The following DMD variants were observed in gnomAD, a reference collection of about 807,000 sequenced individuals.
DMD encodes mutant dystrophin.
In DMD, 63 loss-of-function variants were observed where a neutral mutation model predicts 330.1. That is an observed-to-expected ratio of 0.19 (90% CI 0.16 to 0.24). The LOEUF is 0.24. DMD is among the 10% of genes least tolerant of loss of function. The pLI is 1.00. For synonymous variants in DMD, 1,223 were observed against 959.8 expected (o/e 1.27, Z -5.07); for missense variants, 3,344 against 2,684.1 (o/e 1.25, Z -5.43).
rs1186538311 is a variant in DMD at position 31,120,087 on chromosome X, C to T, written c.*1832G>A. 9.0e-6 allele frequency: 1 copy of T among 110,943 alleles called. No individual in the cohort carries two copies. Among genetic ancestry groups the T allele is most frequent in the African/African-American group, 3.3e-5 (1 of 30,466 alleles). The allele number at this position is 110,943 out of a possible 1,213,427, so 9.1% of individuals were successfully genotyped here. ...ATTACACTTGATGTCAGCCCACTCTCCAAAAGCTAATTACACTTGATGTCA... is the reference window on the plus strand; with the variant it reads ...ATTACACTTGATGTCAGCCCACTCTTCAAAAGCTAATTACACTTGATGTCA... On this transcript the variant is annotated 3_prime_UTR_variant, in exon 79 of 79. Coordinates refer to ENST00000357033, the MANE Select transcript of DMD (RefSeq NM_004006.3).
chrX:33,213,637 T>G (rs1283309481), upstream of DMD, among the ~76,000 whole-genome samples: 1 of 111,663 alleles, frequency 9.0e-6, no homozygotes, highest in Non-Finnish European at 1.9e-5. Flanking sequence ...TTTTAAAAAT[T>G]TATTTTAACT....
intron 2 of DMD, among the ~76,000 whole-genome samples, chrX:32,912,454 A>T (rs1249440912): frequency 1.8e-5 from 2 of 111,072 alleles, no homozygotes; most frequent in Non-Finnish European, 3.8e-5. Flanking sequence ...TGACCCAGCA[A>T]TCCCACTCCT....
At chrX:31,843,234 C>T (rs1387873586) in intron 48 of DMD, among the ~76,000 whole-genome samples, 8 of 111,796 alleles carry the variant, frequency 7.2e-5, no homozygotes, top group Admixed American at 9.5e-5. Context: ...TGGATATATA[C>T]TCAGTAATGG....
intron 1 of DMD, among the ~76,000 whole-genome samples, chrX:33,209,809 C>G (rs2148858622): frequency 9.1e-6 from 1 of 110,303 alleles, no homozygotes; most frequent in East Asian, 2.8e-4. Context: ...ATTTGAATAT[C>G]TATGACAAAG....
chrX:31,151,021 T>A (rs892793978), intron 74 of DMD, among the ~76,000 whole-genome samples: 2 of 112,113 alleles, frequency 1.8e-5, no homozygotes, highest in Non-Finnish European at 3.8e-5. Context: ...TAGTTGTTTG[T>A]ATAGTTTATT....
chrX:33,260,315 AT>A (rs1249636938), intron 1 of DMD, among the ~76,000 whole-genome samples: 1 of 111,286 alleles, frequency 9.0e-6, no homozygotes, highest in Non-Finnish European at 1.9e-5. Context: ...TCTTAAAAAG[AT>A]TTTAAAAAAA....
In DMD at chrX:32,573,756, T is replaced by A. The variant is rs766450050; in HGVS notation, c.1693A>T (p.Thr565Ser). The stretch of plus-strand genomic sequence containing the variant: ...CACACATGACACACCTGTTCTTCAG[T>A]AAGACGTTGCCATTTGAGAAGGATG... ...QDILLKWQRL[T>S]EEQCLFSAWL... Residue 565 changes from threonine (T) to serine (S), a missense_variant, in exon 14 of 79, where the codon ACT (threonine) becomes TCT (serine). By Grantham distance (58) the Thr-to-Ser change is moderately conservative. Transcript: ENST00000357033. The A allele has an allele frequency of 8.3e-7, 1 of 1,211,291 alleles. No individual in the cohort carries two copies. Among genetic ancestry groups the A allele is most frequent in the Non-Finnish European group, 1.1e-6 (1 of 894,996 alleles).
At chrX:31,250,831 C>G (rs2049276327) in intron 63 of DMD, among the ~76,000 whole-genome samples, 1 of 111,150 alleles carries the variant, frequency 9.0e-6, no homozygotes, top group African/African-American at 3.3e-5. Context: ...CGCCTGTAAT[C>G]CCAGCAGTTT....
chrX:32,144,219 T>C (rs2096767906), intron 44 of DMD, among the ~76,000 whole-genome samples: 1 of 111,972 alleles, frequency 8.9e-6, no homozygotes, highest in Admixed American at 9.5e-5. Context: ...ACTTTGAAGC[T>C]GAACTCCTCT....
chrX:33,009,586 G>GTGTATGTGTGTATGTGTATATACACATA lies in DMD; in HGVS notation c.93+10525_93+10552dup, dbSNP rs2093577321. On this transcript the variant is annotated intron_variant, in intron 2 of 78. Coordinates refer to ENST00000357033, the MANE Select transcript of DMD (RefSeq NM_004006.3). ...TGTGTATGTGTATATACACATATGT[G>GTGTATGTGTGTATGTGTATATACACATA]TGTATGTGTGTATGTGTATATACAC... Among the ~76,000 whole-genome samples the GTGTATGTGTGTATGTGTATATACACATA allele has an allele frequency of 3.0e-5, 2 of 65,922 alleles. 1 individual carries two copies. The highest frequency in any genetic ancestry group is 1.0e-4 in the African/African-American group (2 of 19,825). 57.2% of individuals were successfully genotyped at this position (65,922 alleles called of 115,157 possible).
chrX:33,307,948 G>A (rs888075107), intron 1 of DMD, among the ~76,000 whole-genome samples: 1 of 111,663 alleles, frequency 9.0e-6, no homozygotes, highest in African/African-American at 3.3e-5. Context: ...AAATATAATT[G>A]CTAAGATGTG....
intron 1 of DMD, among the ~76,000 whole-genome samples, chrX:33,135,470 T>C (rs1397675442): frequency 1.8e-5 from 2 of 112,466 alleles, no homozygotes; most frequent in African/African-American, 3.2e-5. Context: ...GAAATAGAAA[T>C]GAAAACAATT....
chrX:32,031,190 T>G (rs1177405249), intron 44 of DMD, among the ~76,000 whole-genome samples: 1 of 111,924 alleles, frequency 8.9e-6, no homozygotes, highest in African/African-American at 3.2e-5. Flanking sequence ...CTCCCTCTTG[T>G]GTCTGTCAGC....
intron 1 of DMD, among the ~76,000 whole-genome samples, chrX:33,315,613 T>C (rs1333926115): frequency 8.9e-6 from 1 of 112,445 alleles, no homozygotes; most frequent in Non-Finnish European, 1.9e-5. Flanking sequence ...CTGAACCCGG[T>C]TGTATGCAAC....
chrX:31,524,291 G>T (rs979543958), intron 55 of DMD, among the ~76,000 whole-genome samples: 1 of 112,031 alleles, frequency 8.9e-6, no homozygotes, highest in African/African-American at 3.2e-5. Flanking sequence ...CTACAGCCAA[G>T]AAAATTCTGT....
chrX:33,069,914 G>A (rs1262868331), intron 1 of DMD, among the ~76,000 whole-genome samples: 2 of 111,751 alleles, frequency 1.8e-5, no homozygotes, highest in East Asian at 5.6e-4. Flanking sequence ...CTCTGCTCAA[G>A]CTGAAAGGTA....
Position 31,482,236 on chromosome X carries a change from TG to T in DMD, c.8548-3134del, listed in dbSNP as rs112500192. ...ACATGATGGTGTGTGTGTGTGTGTG[TG>T]GGGGGGGTGTTCTGTGCATGGGGGA... On this transcript the variant is annotated intron_variant, in intron 57 of 78. Transcript: ENST00000357033. 5.0e-3 allele frequency among the ~76,000 whole-genome samples: 429 copies of T among 84,955 alleles called. 2 individuals carry two copies. Among genetic ancestry groups the T allele is most frequent in the African/African-American group, 0.018 (388 of 21,172 alleles). The allele number at this position is 84,955 out of a possible 115,157, so 73.8% of individuals were successfully genotyped here.
At chrX:31,967,475 ATCT>A (rs1439342505) in intron 45 of DMD, among the ~76,000 whole-genome samples, 1 of 109,887 alleles carries the variant, frequency 9.1e-6, no homozygotes, top group Non-Finnish European at 1.9e-5. Context: ...TAATTCCAAA[ATCT>A]TCTTTTTAAT....
intron 52 of DMD, among the ~76,000 whole-genome samples, chrX:31,728,408 T>TAC (rs764803152): frequency 1.8e-5 from 2 of 111,964 alleles, no homozygotes; most frequent in African/African-American, 6.5e-5. Context: ...AAAGATTTTG[T>TAC]ACACACACAC....
Sources: allele counts gnomAD v4.1 joint callset (sites outside exome capture counted in the v4.1 genomes callset), GRCh38; gene constraint gnomAD v4.1.1; transcripts MANE v1.5; gene names NCBI Gene and HGNC (gene_info 2026-07-23, HGNC 2026-07-21).